The following DTWD2 variants were observed in gnomAD, a reference collection of about 807,000 sequenced individuals.
The protein encoded by DTWD2 is DTW motif tRNA-uridine aminocarboxypropyltransferase 2, also known as tRNA-uridine aminocarboxypropyltransferase 2.
In DTWD2, 39 loss-of-function variants were observed where a neutral mutation model predicts 31.8. The ratio of observed to expected loss-of-function variants is 1.22; its 90% confidence interval spans 0.95 to 1.60. DTWD2 has a LOEUF of 1.60. Among genes scored for constraint, DTWD2 ranks in the 40% most tolerant of loss-of-function variants. The pLI, the probability that DTWD2 is intolerant of heterozygous loss-of-function variation, is 0.00. For missense variants in DTWD2, 515 were observed against 381.5 expected, an observed-to-expected ratio of 1.35 and a Z score of -2.92; for synonymous variants, 180 against 142.8, an observed-to-expected ratio of 1.26 and a Z score of -1.86.
At chr5:118,860,064 G>C (rs1462436769) in intron 4 of DTWD2, among the ~76,000 whole-genome samples, 1 of 151,998 alleles carries the variant, frequency 6.6e-6, no homozygotes, top group Non-Finnish European at 1.5e-5. Flanking sequence ...GCTGCAGTGA[G>C]CCATGATCAT....
intron 4 of DTWD2, among the ~76,000 whole-genome samples, chr5:118,874,400 T>A (rs1398939839): frequency 6.6e-6 from 1 of 152,134 alleles, no homozygotes; most frequent in Non-Finnish European, 1.5e-5. Flanking sequence ...AATATGAATA[T>A]GAACAAAGTT....
chr5:118,984,979 A>G (rs1295372337), intron 1 of DTWD2, among the ~76,000 whole-genome samples: 1 of 152,198 alleles, frequency 6.6e-6, no homozygotes, highest in Non-Finnish European at 1.5e-5. Flanking sequence ...TCATGTACAA[A>G]AGTCAAACTT....
chr5:118,972,394 C>T (rs1755006949), intron 1 of DTWD2, among the ~76,000 whole-genome samples: 1 of 152,140 alleles, frequency 6.6e-6, no homozygotes, highest in South Asian at 2.1e-4. Context: ...AATTCCTAGA[C>T]ACATACACCC....
At chr5:118,857,581 T>C (rs1470042432) in intron 4 of DTWD2, among the ~76,000 whole-genome samples, 1 of 152,236 alleles carries the variant, frequency 6.6e-6, no homozygotes, top group Non-Finnish European at 1.5e-5. Flanking sequence ...GAATTATGCT[T>C]TCACTCTACT....
Position 118,972,306 on chromosome 5 carries a change from C to T in DTWD2, c.218+15988G>A, listed in dbSNP as rs150835507. 3.2e-3 allele frequency among the ~76,000 whole-genome samples: 491 copies of T among 152,276 alleles called. 2 individuals carry two copies. Among genetic ancestry groups the T allele is most frequent in the African/African-American group, 0.012 (481 of 41,544 alleles). ...AAGGGGGATATCACCACTGACCACA[C>T]AGAAATACAAACAATCATCAGAGAA... On this transcript the variant is annotated intron_variant, in intron 1 of 5. Transcript: ENST00000510708.
At chr5:118,929,828 G>C (rs1753884207) in intron 3 of DTWD2, among the ~76,000 whole-genome samples, 1 of 152,112 alleles carries the variant, frequency 6.6e-6, no homozygotes, top group Non-Finnish European at 1.5e-5. Context: ...TCCAGATCTA[G>C]GAAATAATAA....
rs1245396495 is a variant in DTWD2, at chr5:118,836,839, T to A, written c.*4078A>T. 6.6e-6 allele frequency among the ~76,000 whole-genome samples: 1 copy of A among 152,176 alleles called. No homozygotes were observed. Among genetic ancestry groups the A allele is most frequent in the Non-Finnish European group, 1.5e-5 (1 of 68,024 alleles). ...AATCTGCTGGCACCTTGATATTGTA[T>A]TTCCCAGCCTCCAGACTTAGAAGAA... On this transcript the variant is annotated 3_prime_UTR_variant, in exon 6 of 6. Transcript: ENST00000510708.
At chr5:118,881,039 T>C (rs918068294) in intron 4 of DTWD2, among the ~76,000 whole-genome samples, 10 of 152,318 alleles carry the variant, frequency 6.6e-5, no homozygotes, top group African/African-American at 1.9e-4. Flanking sequence ...GTTTTAGTTT[T>C]AATGTTATAT....
At chr5:118,980,381 T>A (rs141118497) in intron 1 of DTWD2, among the ~76,000 whole-genome samples, 168 of 152,304 alleles carry the variant, frequency 1.1e-3, no homozygotes, top group African/African-American at 3.9e-3. Context: ...AAGCTCATAC[T>A]CCCTGTTGTG....
intron 3 of DTWD2, among the ~76,000 whole-genome samples, chr5:118,929,817 G>C (rs1394969742): frequency 1.3e-5 from 2 of 152,108 alleles, no homozygotes; most frequent in African/African-American, 2.4e-5. Flanking sequence ...ACCTTCCCTT[G>C]TCCAGATCTA....
At chr5:118,877,894 C>T (rs1752657333) in intron 4 of DTWD2, among the ~76,000 whole-genome samples, 1 of 152,050 alleles carries the variant, frequency 6.6e-6, no homozygotes, top group Non-Finnish European at 1.5e-5. Context: ...TCCTATACAC[C>T]AACAACAGTT....
chr5:118,872,754 G>C (rs1752534080), intron 4 of DTWD2, among the ~76,000 whole-genome samples: 1 of 152,204 alleles, frequency 6.6e-6, no homozygotes, highest in South Asian at 2.1e-4. Context: ...CATGATCTGA[G>C]CACATGCTGT....
chr5:118,985,515 T>TATATATATATATATATACAC (rs1554072614), intron 1 of DTWD2, among the ~76,000 whole-genome samples: 2 of 132,064 alleles, frequency 1.5e-5, no homozygotes, highest in Non-Finnish European at 3.1e-5. Context: ...TATATATATA[T>TATATATATATATATATACAC]ATACACACAC....
At chr5:118,968,631 A>AT (rs1554071174) in intron 1 of DTWD2, among the ~76,000 whole-genome samples, 1 of 152,100 alleles carries the variant, frequency 6.6e-6, no homozygotes, top group Non-Finnish European at 1.5e-5. Context: ...AGATCAGGAG[A>AT]TCCCCCCCTG....
chr5:118,837,580 C>G lies in DTWD2; in HGVS notation c.*3337G>C, dbSNP rs1188562532. 1 of 152,160 alleles carries G rather than the reference C, an allele frequency of 6.6e-6. No homozygotes were observed. The highest frequency in any genetic ancestry group is 1.9e-4 in the East Asian group (1 of 5,186). 9.4% of individuals were successfully genotyped at this position (152,160 alleles called of 1,614,324 possible). A position where few individuals can be genotyped will look rare whatever the true frequency, so the allele number is the denominator to read the frequency against. ...TAATAACATGATCACATTTTTAAAC[C>G]TATTTAGGGCAACAGTTGGAAATAT... On this transcript the variant is annotated 3_prime_UTR_variant, in exon 6 of 6. Coordinates refer to ENST00000510708, the MANE Select transcript of DTWD2 (RefSeq NM_173666.4).
In DTWD2 at chr5:118,883,826, T is replaced by C. The variant is rs570926419; in HGVS notation, c.598-35608A>G. Among the ~76,000 whole-genome samples, 25 of 152,180 alleles carry C rather than the reference T, an allele frequency of 1.6e-4. No individual in the cohort carries two copies. In the South Asian group the frequency reaches 4.6e-3, roughly 28 times the overall value. Reference sequence around the variant, plus strand: ...GGTGGAGACACAGAGCCAAACCATATCACAAGATAAAACTTATTTCAAAAT... The same window carrying C: ...GGTGGAGACACAGAGCCAAACCATACCACAAGATAAAACTTATTTCAAAAT... On this transcript the variant is annotated intron_variant, in intron 4 of 5. Transcript: ENST00000510708.
intron 4 of DTWD2, among the ~76,000 whole-genome samples, chr5:118,889,291 A>G (rs1475982006): frequency 1.3e-5 from 2 of 152,234 alleles, no homozygotes; most frequent in Admixed American, 6.5e-5. Context: ...AAAACAGCAC[A>G]GAATCCATAT....
intron 4 of DTWD2, among the ~76,000 whole-genome samples, chr5:118,875,059 A>G (rs1752591241): frequency 6.6e-6 from 1 of 152,228 alleles, no homozygotes; most frequent in Non-Finnish European, 1.5e-5. Context: ...CCAATATTCA[A>G]TATTTCTTAA....
intron 4 of DTWD2, among the ~76,000 whole-genome samples, chr5:118,880,500 G>C (rs1017077258): frequency 1.1e-4 from 17 of 151,986 alleles, no homozygotes; most frequent in Admixed American, 1.0e-3. Context: ...TTTCCTTTTA[G>C]AAAATACATC....
Sources: allele counts gnomAD v4.1 joint callset (sites outside exome capture counted in the v4.1 genomes callset), GRCh38; gene constraint gnomAD v4.1.1; transcripts MANE v1.5; gene names NCBI Gene and HGNC (gene_info 2026-07-23, HGNC 2026-07-21).